Variants in RPH3A observed in about 807,000 individuals in gnomAD.
RPH3A encodes rabphilin 3A.
Under a neutral mutation model 102.2 loss-of-function variants are expected in RPH3A, and 48 were observed. That is an observed-to-expected ratio of 0.47 (90% CI 0.37 to 0.60). The LOEUF is 0.60. RPH3A is among the 20% of genes least tolerant of loss of function. RPH3A has a pLI of 0.00. For synonymous variants in RPH3A, 310 were observed against 324.3 expected (o/e 0.96, Z 0.47); for missense variants, 781 against 910.1 (o/e 0.86, Z 1.83).
At position 112,757,786 on chromosome 12, in the gene RPH3A, G is replaced by A. The variant is rs2040831216; in HGVS notation, c.-139-34357G>A. 3.3e-5 allele frequency among the ~76,000 whole-genome samples: 5 copies of A among 152,132 alleles called. No homozygotes were observed. In the South Asian group the frequency reaches 1.0e-3, roughly 32 times the overall value. On this transcript the variant is annotated intron_variant, in intron 1 of 21. Transcript: ENST00000543106. ...TCTATAGGCTTTAGGTACCAGATGA[G>A]CAGGTGGCAGGTTAACATCCTACTG...
At chr12:112,824,458 G>C (rs569172617) in intron 2 of RPH3A, among the ~76,000 whole-genome samples, 1 of 152,182 alleles carries the variant, frequency 6.6e-6, no homozygotes, top group South Asian at 2.1e-4. Context: ...TCCAGATGAG[G>C]AATCAACAGT....
chr12:112,621,326 AGTGGGCGCAGGCCAGTGG>A (rs1414210830), intron 1 of RPH3A, among the ~76,000 whole-genome samples: 1 of 150,462 alleles, frequency 6.6e-6, no homozygotes, highest in Non-Finnish European at 1.5e-5. Context: ...AGTGCCAGAC[AGTGGGCGCAGGCCAGTGG>A]GTGCGCGCAC....
chr12:112,652,973 C>T (rs962901321), intron 1 of RPH3A, among the ~76,000 whole-genome samples: 1 of 152,156 alleles, frequency 6.6e-6, no homozygotes, highest in South Asian at 2.1e-4. Context: ...CCTATTGCTT[C>T]TCGGCTGCAA....
intron 1 of RPH3A, among the ~76,000 whole-genome samples, chr12:112,783,988 A>T (rs1446360338): frequency 6.6e-6 from 1 of 152,148 alleles, no homozygotes; most frequent in Admixed American, 6.5e-5. Context: ...ATCTTCTTGG[A>T]GGAGTGCTTT....
chr12:112,885,772 CT>C (rs1232191732), intron 16 of RPH3A, among the ~76,000 whole-genome samples: 2 of 152,092 alleles, frequency 1.3e-5, no homozygotes, highest in African/African-American at 2.4e-5. Flanking sequence ...TCAAATTATA[CT>C]CTTTTCACTA....
chr12:112,760,657 G>C (rs149584834), intron 1 of RPH3A, among the ~76,000 whole-genome samples: 3 of 152,222 alleles, frequency 2.0e-5, no homozygotes, highest in Admixed American at 1.3e-4. Flanking sequence ...GCTCCTGAGA[G>C]GACATGTTTA....
chr12:112,633,432 AT>A (rs1404384356), intron 1 of RPH3A, among the ~76,000 whole-genome samples: 5 of 152,090 alleles, frequency 3.3e-5, no homozygotes, highest in African/African-American at 1.2e-4. Flanking sequence ...TAATCTGTTC[AT>A]GGATTAATGG....
At chr12:112,838,311 T>G (rs1314484763) in intron 4 of RPH3A, among the ~76,000 whole-genome samples, 3 of 152,248 alleles carry the variant, frequency 2.0e-5, no homozygotes, top group Non-Finnish European at 4.4e-5. Context: ...GAATTCAGTC[T>G]GGCTAAAAAG....
rs972923053 is a variant in RPH3A, at chr12:112,792,238, TC to T, written c.-39del. On this transcript the variant is annotated 5_prime_UTR_variant, in exon 2 of 22. Transcript: ENST00000389385. ...GTTGGCAAGAATTTGGCTCACCCAT[TC>T]CCCCTGCAAGCCTCCAGCGTCGCGG... 3.3e-5 allele frequency: 5 copies of T among 152,124 alleles called. No individual in the cohort carries two copies. The highest frequency in any genetic ancestry group is 4.8e-5 in the African/African-American group (2 of 41,412). The allele number at this position is 152,124 out of a possible 1,614,324, so 9.4% of individuals were successfully genotyped here. A position where few individuals can be genotyped will look rare whatever the true frequency, so the allele number is the denominator to read the frequency against.
At chr12:112,734,130 G>A (rs1248510821) in intron 1 of RPH3A, among the ~76,000 whole-genome samples, 1 of 152,136 alleles carries the variant, frequency 6.6e-6, no homozygotes, top group Non-Finnish European at 1.5e-5. Flanking sequence ...GTCAAAGATG[G>A]ACCTCATATA....
At chr12:112,883,239 A>T in intron 15 of RPH3A, 54 bp from the exon 16 acceptor site, 3 of 1,435,966 alleles carry the variant, frequency 2.1e-6, no homozygotes, top group Non-Finnish European at 2.9e-6. Flanking sequence ...ATGGGGTTCC[A>T]GGACTGGCTC....
chr12:112,713,003 TC>T (rs1565857099), intron 1 of RPH3A, among the ~76,000 whole-genome samples: 975 of 75,658 alleles, frequency 0.013, 43 homozygotes, highest in Non-Finnish European at 0.016. Context: ...GTCTTCCTCT[TC>T]CTCTTCCTCT....
rs1039399452 is a variant in RPH3A at position 112,865,130 on chromosome 12, G to A, written c.231-284G>A. ...ATTTAACGCTCAGAAGGCAGTTTCT[G>A]GGAGGAGGTGACAGAAGATAGAAAG... is the stretch of plus-strand genomic sequence containing the variant. On this transcript the variant is annotated intron_variant, in intron 5 of 21. Transcript: ENST00000389385. 2.6e-4 allele frequency among the ~76,000 whole-genome samples: 39 copies of A among 152,196 alleles called. 1 individual carries two copies. Among genetic ancestry groups the A allele is most frequent in the Admixed American group, 3.9e-4 (6 of 15,278 alleles).
At chr12:112,817,928 G>A (rs372127635) in intron 2 of RPH3A, among the ~76,000 whole-genome samples, 17 of 152,150 alleles carry the variant, frequency 1.1e-4, no homozygotes, top group African/African-American at 2.4e-4. Context: ...CTGCAAGGTA[G>A]CTTGGTCTCA....
chr12:112,597,117 AG>A (rs1272345561), intron 1 of RPH3A, among the ~76,000 whole-genome samples: 1 of 152,218 alleles, frequency 6.6e-6, no homozygotes, highest in Non-Finnish European at 1.5e-5. Flanking sequence ...CATAGGAAAA[AG>A]CTTGGAACTG....
At chr12:112,646,349 A>C (rs2039930286) in intron 1 of RPH3A, among the ~76,000 whole-genome samples, 1 of 152,132 alleles carries the variant, frequency 6.6e-6, no homozygotes, top group African/African-American at 2.4e-5. Flanking sequence ...TGGCTCTCTC[A>C]GTTCTAGATG....
intron 5 of RPH3A, among the ~76,000 whole-genome samples, chr12:112,849,083 C>T (rs2042279277): frequency 6.6e-6 from 1 of 152,178 alleles, no homozygotes; most frequent in Non-Finnish European, 1.5e-5. Flanking sequence ...CTGAGATGCC[C>T]ACTGATTCCC....
rs552856129 is a variant in RPH3A, at chr12:112,640,149, C to A, written c.-140+64830C>A. Among the ~76,000 whole-genome samples the A allele has an allele frequency of 7.9e-5, 12 of 151,064 alleles. 1 individual carries two copies. In the South Asian group the frequency reaches 1.5e-3, roughly 19 times the overall value. The stretch of plus-strand genomic sequence containing the variant: ...CAGCCTGACCAACATGGTGAAACCA[C>A]GTCTCTACTAAAAAAAAATACAAAA... On this transcript the variant is annotated intron_variant, in intron 1 of 21. Coordinates refer to the RPH3A transcript ENST00000543106.
chr12:112,627,646 A>G (rs1371697686), intron 1 of RPH3A, among the ~76,000 whole-genome samples: 1 of 152,118 alleles, frequency 6.6e-6, no homozygotes, highest in Non-Finnish European at 1.5e-5. Context: ...AGTGGGAGAG[A>G]TGAACATATT....
Sources: gnomAD v4.1 joint callset for allele counts (sites outside exome capture counted in the v4.1 genomes callset) on GRCh38, gnomAD v4.1.1 for gene constraint, MANE v1.5 for transcripts, NCBI Gene and HGNC (gene_info 2026-07-23, HGNC 2026-07-21) for gene names.